MUC7: variants seen among roughly 807,000 people sequenced by gnomAD.
MUC7 encodes mucin 7, secreted.
MUC7 carries 2 observed loss-of-function variants against 2.5 expected under a neutral mutation model. That is an observed-to-expected ratio of 0.81 (90% CI 0.33 to 2.55). MUC7 has a LOEUF of 2.55. Among genes scored for constraint, MUC7 ranks in the 30% most tolerant of loss-of-function variants. MUC7 has a pLI of 0.11. For synonymous variants in MUC7, 133 were observed against 173.4 expected, an observed-to-expected ratio of 0.77 and a Z score of 1.83; for missense variants, 408 against 455.6, an observed-to-expected ratio of 0.90 and a Z score of 0.95.
intron 1 of MUC7, among the ~76,000 whole-genome samples, chr4:70,435,093 C>A (rs1733792530): frequency 6.6e-6 from 1 of 152,044 alleles, no homozygotes; most frequent in South Asian, 2.1e-4. Flanking sequence ...GATTTCTGTT[C>A]TTTTATATTT....
chr4:70,474,227 G>C, intron 2 of MUC7, 152 bp downstream of exon 2: 2 of 632,380 alleles, frequency 3.2e-6, no homozygotes, highest in South Asian at 2.1e-5. Context: ...ATGGACAATT[G>C]GCCGGTGCAC....
intron 1 of MUC7, among the ~76,000 whole-genome samples, chr4:70,440,890 G>C (rs1423666868): frequency 6.6e-6 from 1 of 152,082 alleles, no homozygotes; most frequent in Non-Finnish European, 1.5e-5. Context: ...AATACATTTT[G>C]AGAAACATAA....
chr4:70,466,112 C>G (rs1172243824), intron 1 of MUC7, among the ~76,000 whole-genome samples: 3 of 152,174 alleles, frequency 2.0e-5, no homozygotes, highest in Non-Finnish European at 4.4e-5. Flanking sequence ...ATTCAACATT[C>G]TTAAAGAAAA....
rs373621602 is a variant in MUC7, at chr4:70,481,869, G to A, written c.1125G>A (p.Val375=). ...NLLNRIIDDM[V]EQ ...TAAACAGAATTATTGACGACATGGTGGAGCAATAGTATATTGTATGTTGTA... is the reference window on the plus strand; with the variant it reads ...TAAACAGAATTATTGACGACATGGTAGAGCAATAGTATATTGTATGTTGTA... The change falls in exon 3 of 3, where the codon GTG becomes GTA. Residue 375 remains valine (V), a synonymous_variant. Coordinates refer to ENST00000304887, the MANE Select transcript of MUC7 (RefSeq NM_152291.3). 1 of 1,613,452 alleles carries A rather than the reference G, an allele frequency of 6.2e-7. No individual in the cohort carries two copies. The highest frequency in any genetic ancestry group is 1.3e-5 in the African/African-American group (1 of 74,854).
intron 1 of MUC7, among the ~76,000 whole-genome samples, chr4:70,459,737 A>G (rs1436889317): frequency 1.3e-5 from 2 of 152,180 alleles, no homozygotes; most frequent in Admixed American, 6.5e-5. Context: ...CCTTTTTACA[A>G]TGTACATAGT....
intron 1 of MUC7, among the ~76,000 whole-genome samples, chr4:70,457,011 A>G (rs1162662445): frequency 6.7e-6 from 1 of 150,102 alleles, no homozygotes; most frequent in Non-Finnish European, 1.5e-5. Flanking sequence ...GGAGAAATAA[A>G]TGTAAACACC....
At chr4:70,464,684 A>T (rs552073623) in intron 1 of MUC7, among the ~76,000 whole-genome samples, 7 of 152,142 alleles carry the variant, frequency 4.6e-5, no homozygotes, top group Non-Finnish European at 1.0e-4. Context: ...CTGTAGCCAG[A>T]TTGCCTGTCT....
At chr4:70,434,191 T>C (rs1240787709) in intron 1 of MUC7, among the ~76,000 whole-genome samples, 1 of 152,166 alleles carries the variant, frequency 6.6e-6, no homozygotes, top group Non-Finnish European at 1.5e-5. Context: ...ACTTTTTTTG[T>C]TGTGTCTCTG....
chr4:70,480,696 T>A, intron 2 of MUC7, 103 bp from the exon 3 acceptor site: 1 of 1,225,542 alleles, frequency 8.2e-7, no homozygotes, highest in African/African-American at 1.5e-5. Flanking sequence ...TGGTTTCTAA[T>A]CCCAGCATTC....
At chr4:70,467,507 C>T (rs532954316), upstream of MUC7, among the ~76,000 whole-genome samples, 23 of 151,960 alleles carry the variant, frequency 1.5e-4, 1 homozygote, top group Admixed American at 2.6e-4. Context: ...ATAGATAGAC[C>T]GCTAGCCAGA....
At chr4:70,434,065 C>T (rs4484365) in intron 1 of MUC7, among the ~76,000 whole-genome samples, 1,812 of 152,030 alleles carry the variant, frequency 0.012, 29 homozygotes, top group African/African-American at 0.039. Context: ...ATCACAAGGA[C>T]GAAGCTGACT....
At chr4:70,435,682 G>A (rs190596154) in intron 1 of MUC7, among the ~76,000 whole-genome samples, 19 of 152,168 alleles carry the variant, frequency 1.2e-4, no homozygotes, top group Admixed American at 3.9e-4. Context: ...CTTTTAATTG[G>A]GGCATTTAGC....
At chr4:70,435,046 G>C (rs562326537) in intron 1 of MUC7, among the ~76,000 whole-genome samples, 2 of 152,216 alleles carry the variant, frequency 1.3e-5, no homozygotes, top group East Asian at 3.9e-4. Context: ...CTGAGTTCTA[G>C]TTTGATTGCA....
At chr4:70,440,949 G>A (rs1440773679) in intron 1 of MUC7, among the ~76,000 whole-genome samples, 2 of 152,066 alleles carry the variant, frequency 1.3e-5, no homozygotes, top group African/African-American at 2.4e-5. Context: ...GGACAGGTGG[G>A]GTGAGGGGAG....
chr4:70,437,456 A>G (rs1733876344), intron 1 of MUC7, among the ~76,000 whole-genome samples: 1 of 152,198 alleles, frequency 6.6e-6, no homozygotes, highest in Non-Finnish European at 1.5e-5. Context: ...GCCACGCTGT[A>G]GCGTCCCAGG....
chr4:70,474,878 G>A (rs1734949505), intron 2 of MUC7, among the ~76,000 whole-genome samples: 1 of 152,130 alleles, frequency 6.6e-6, no homozygotes, highest in Non-Finnish European at 1.5e-5. Context: ...AAAGATGATG[G>A]TGACTTGCAC....
intron 1 of MUC7, among the ~76,000 whole-genome samples, chr4:70,446,341 G>A (rs773216119): frequency 6.6e-6 from 1 of 152,132 alleles, no homozygotes; most frequent in Non-Finnish European, 1.5e-5. Context: ...TTCTCTCACA[G>A]TTTTATAGGC....
intron 1 of MUC7, among the ~76,000 whole-genome samples, chr4:70,473,395 G>C (rs1399475124): frequency 6.6e-6 from 1 of 151,832 alleles, no homozygotes; most frequent in Non-Finnish European, 1.5e-5. Context: ...AGTGAGCCAT[G>C]CGTGTGCCAC....
intron 1 of MUC7, chr4:70,430,772 T>C (rs1489921682): frequency 3.3e-5 from 5 of 152,310 alleles, no homozygotes; most frequent in African/African-American, 9.6e-5. Flanking sequence ...TAATGATTAC[T>C]GTAAAAATCC....
Sources: allele counts gnomAD v4.1 joint callset (sites outside exome capture counted in the v4.1 genomes callset), GRCh38; gene constraint gnomAD v4.1.1; transcripts MANE v1.5; gene names NCBI Gene and HGNC (gene_info 2026-07-23, HGNC 2026-07-21).